The following CHLSN variants were observed in gnomAD, a reference collection of about 807,000 sequenced individuals.
The protein encoded by CHLSN is protein cholesin.
chr7:985,299 C>T, the CHLSN span: 2 of 1,551,386 alleles, frequency 1.3e-6, no homozygotes, highest in Non-Finnish European at 1.7e-6. Flanking sequence ...AGGTCATGGT[C>T]CTCTTGGGGT....
the CHLSN span, among the ~76,000 whole-genome samples, chr7:1,033,514 C>T: frequency 2.6e-5 from 4 of 151,614 alleles, no homozygotes; most frequent in Admixed American, 6.6e-5. Flanking sequence ...GCCGAGATCA[C>T]GCCATTTGCA....
chr7:981,582 C>T, the CHLSN span, among the ~76,000 whole-genome samples: 1 of 151,874 alleles, frequency 6.6e-6, no homozygotes, highest in Non-Finnish European at 1.5e-5. Flanking sequence ...GGTGTGGTGG[C>T]ATGTGCCTGT....
At chr7:1,070,754 C>T in the CHLSN span, among the ~76,000 whole-genome samples, 5 of 149,666 alleles carry the variant, frequency 3.3e-5, no homozygotes, top group African/African-American at 4.9e-5. Context: ...ACACAACGCA[C>T]GCAGACATAC....
At chr7:1,069,630 C>T in the CHLSN span, among the ~76,000 whole-genome samples, 6 of 116,390 alleles carry the variant, frequency 5.2e-5, no homozygotes, top group East Asian at 4.4e-4. Flanking sequence ...GGATTGCAGA[C>T]GGAGTCTCGT....
At chr7:1,047,534 G>A in the CHLSN span, among the ~76,000 whole-genome samples, 2 of 152,262 alleles carry the variant, frequency 1.3e-5, no homozygotes, top group African/African-American at 4.8e-5. Context: ...GCTCCTAGGA[G>A]CTGGATGTTA....
chr7:1,070,816 C>CACATGTGT, the CHLSN span, among the ~76,000 whole-genome samples: 1 of 91,950 alleles, frequency 1.1e-5, no homozygotes, highest in East Asian at 3.1e-4. Flanking sequence ...CACACACATC[C>CACATGTGT]ACACGTGCAC....
chr7:983,403 G>C, the CHLSN span: 3 of 1,479,874 alleles, frequency 2.0e-6, no homozygotes, highest in South Asian at 3.8e-5. Flanking sequence ...AGGGAGCCCG[G>C]GCAGCTCTTG....
the CHLSN span, among the ~76,000 whole-genome samples, chr7:1,113,524 T>C: frequency 1.3e-5 from 2 of 152,210 alleles, no homozygotes. Flanking sequence ...CACGAGGTGC[T>C]GATGGGTCAC....
At chr7:1,131,112 G>C in the CHLSN span, among the ~76,000 whole-genome samples, 1 of 150,222 alleles carries the variant, frequency 6.7e-6, no homozygotes, top group Non-Finnish European at 1.5e-5. Flanking sequence ...GATTGCTTGA[G>C]CCTGGGAGGT....
chr7:1,016,703 A>G, the CHLSN span, among the ~76,000 whole-genome samples: 514 of 66,028 alleles, frequency 7.8e-3, 15 homozygotes, highest in African/African-American at 0.042. Flanking sequence ...GCATGCCAGC[A>G]CACGCCAGCG....
chr7:978,829 TG>T, the CHLSN span, among the ~76,000 whole-genome samples: 1 of 152,260 alleles, frequency 6.6e-6, no homozygotes. Flanking sequence ...AACTTGCACT[TG>T]CACTTGGGCA....
At chr7:1,129,475 C>A in the CHLSN span, among the ~76,000 whole-genome samples, 13 of 143,736 alleles carry the variant, frequency 9.0e-5, 3 homozygotes, top group Admixed American at 2.0e-4. Context: ...TCGGCTCATC[C>A]CACCCTGTCA....
chr7:1,032,331 GC>G, the CHLSN span, among the ~76,000 whole-genome samples: 5 of 152,344 alleles, frequency 3.3e-5, no homozygotes, highest in African/African-American at 1.2e-4. Flanking sequence ...TGCCGTGGAG[GC>G]CTCGGCGAGG....
At chr7:1,126,595 C>T in the CHLSN span, among the ~76,000 whole-genome samples, 2,769 of 151,472 alleles carry the variant, frequency 0.018, 68 homozygotes, top group African/African-American at 0.063. Flanking sequence ...GCAGGAAAAT[C>T]GCTGGAACCC....
At chr7:1,049,274 A>G in the CHLSN span, among the ~76,000 whole-genome samples, 1 of 152,222 alleles carries the variant, frequency 6.6e-6, no homozygotes, top group Non-Finnish European at 1.5e-5. Context: ...TCTGCCCTTT[A>G]TATGTGGGGA....
chr7:1,076,758 C>G, the CHLSN span, among the ~76,000 whole-genome samples: 1 of 152,248 alleles, frequency 6.6e-6, no homozygotes, highest in Non-Finnish European at 1.5e-5. Context: ...CCCAGCCCAG[C>G]GCCACAGCCT....
the CHLSN span, among the ~76,000 whole-genome samples, chr7:1,136,565 T>A: frequency 5.3e-5 from 3 of 56,776 alleles, no homozygotes; most frequent in Non-Finnish European, 9.8e-5. Context: ...TATATAAACA[T>A]ATAAACATAA....
chr7:1,040,808 G>T, the CHLSN span, among the ~76,000 whole-genome samples: 100,778 of 152,162 alleles, frequency 0.66, 34,946 homozygotes, highest in African/African-American at 0.87. Context: ...GACAAAATAT[G>T]TACAAACCAC....
the CHLSN span, among the ~76,000 whole-genome samples, chr7:1,027,528 C>T: frequency 6.6e-6 from 1 of 152,404 alleles, no homozygotes; most frequent in South Asian, 2.1e-4. Flanking sequence ...CCAACCCAAA[C>T]CCGGCTGAGC....
Sources: gnomAD v4.1 joint callset for allele counts (sites outside exome capture counted in the v4.1 genomes callset) on GRCh38, gnomAD v4.1.1 for gene constraint, MANE v1.5 for transcripts, NCBI Gene and HGNC (gene_info 2026-07-23, HGNC 2026-07-21) for gene names.